HPSE2: variants seen among roughly 807,000 people sequenced by gnomAD.
HPSE2 encodes the protein inactive heparanase-2.
Under a neutral mutation model 60.5 loss-of-function variants are expected in HPSE2, and 38 were observed. The ratio of observed to expected loss-of-function variants is 0.63; its 90% CI spans 0.48 to 0.82. HPSE2 has a LOEUF of 0.82. Ranked by LOEUF, HPSE2 falls within the 40% of genes least tolerant of loss-of-function variation. HPSE2 has a pLI of 0.00. For synonymous variants in HPSE2, 295 were observed against 293.2 expected, an observed-to-expected ratio of 1.01 and a Z score of -0.06; for missense variants, 713 against 740.4, an observed-to-expected ratio of 0.96 and a Z score of 0.43.
At chr10:99,123,380 G>C (rs900324383) in intron 3 of HPSE2, among the ~76,000 whole-genome samples, 1 of 152,096 alleles carries the variant, frequency 6.6e-6, no homozygotes, top group African/African-American at 2.4e-5. Flanking sequence ...TCAGAAAACT[G>C]CAACAATTAG....
chr10:98,703,199 C>T (rs1381462192), intron 5 of HPSE2, among the ~76,000 whole-genome samples: 2 of 152,062 alleles, frequency 1.3e-5, no homozygotes, highest in Non-Finnish European at 2.9e-5. Context: ...TGGATACATT[C>T]CTGGAAACAT....
chr10:98,955,919 A>G (rs1172830756), intron 3 of HPSE2, among the ~76,000 whole-genome samples: 1 of 152,078 alleles, frequency 6.6e-6, no homozygotes, highest in Non-Finnish European at 1.5e-5. Context: ...GAACACATGG[A>G]CACAGGGAGG....
chr10:98,734,522 T>C (rs1949302233), intron 4 of HPSE2, among the ~76,000 whole-genome samples: 1 of 145,652 alleles, frequency 6.9e-6, no homozygotes, highest in African/African-American at 2.4e-5. Context: ...TTTGTTACTT[T>C]ACTTTTCCTT....
intron 9 of HPSE2, among the ~76,000 whole-genome samples, chr10:98,520,086 T>G (rs972315557): frequency 6.6e-6 from 1 of 152,188 alleles, no homozygotes; most frequent in African/African-American, 2.4e-5. Flanking sequence ...TAATTCCATC[T>G]GGCACGCATG....
intron 9 of HPSE2, among the ~76,000 whole-genome samples, chr10:98,522,557 C>T (rs1311423312): frequency 6.6e-6 from 1 of 152,196 alleles, no homozygotes; most frequent in African/African-American, 2.4e-5. Flanking sequence ...TCACGGCAAC[C>T]TCCGCTTCCC....
chr10:98,547,426 T>C (rs1217897619), intron 9 of HPSE2, among the ~76,000 whole-genome samples: 6 of 150,262 alleles, frequency 4.0e-5, no homozygotes, highest in East Asian at 4.0e-4. Flanking sequence ...CAATGATAGA[T>C]TGGACTAAGA....
intron 3 of HPSE2, among the ~76,000 whole-genome samples, chr10:98,939,973 T>C (rs898182351): frequency 1.1e-4 from 16 of 143,856 alleles, no homozygotes; most frequent in Non-Finnish European, 2.2e-4. Flanking sequence ...AACCTGCTCC[T>C]GAATGACTAC....
At chr10:98,792,179 C>T (rs1386867097) in intron 3 of HPSE2, among the ~76,000 whole-genome samples, 1 of 151,494 alleles carries the variant, frequency 6.6e-6, no homozygotes, top group Non-Finnish European at 1.5e-5. Flanking sequence ...TACTAGAATA[C>T]AAACAGTCTC....
chr10:98,475,706 G>C (rs1160934797), intron 11 of HPSE2, among the ~76,000 whole-genome samples: 1 of 128,212 alleles, frequency 7.8e-6, no homozygotes, highest in Non-Finnish European at 1.6e-5. Flanking sequence ...GTCATTGCTG[G>C]TTTTTAATAA....
chr10:98,741,634 C>T (rs1431083903), intron 4 of HPSE2, among the ~76,000 whole-genome samples: 1 of 152,048 alleles, frequency 6.6e-6, no homozygotes, highest in African/African-American at 2.4e-5. Flanking sequence ...ATAATTATTC[C>T]CATCAATCAC....
At chr10:98,849,607 T>C (rs1047348036) in intron 3 of HPSE2, among the ~76,000 whole-genome samples, 3 of 152,208 alleles carry the variant, frequency 2.0e-5, no homozygotes, top group Non-Finnish European at 2.9e-5. Context: ...ACTACGGCCA[T>C]AACCTCTCCT....
At chr10:98,817,361 C>A (rs1194553115) in intron 3 of HPSE2, among the ~76,000 whole-genome samples, 1 of 152,136 alleles carries the variant, frequency 6.6e-6, no homozygotes, top group South Asian at 2.1e-4. Context: ...ACAAAAGATA[C>A]TTCAGAATTA....
chr10:98,927,003 A>T (rs898355112), intron 3 of HPSE2, among the ~76,000 whole-genome samples: 1 of 152,034 alleles, frequency 6.6e-6, no homozygotes, highest in Non-Finnish European at 1.5e-5. Context: ...GTTCTTTTAC[A>T]TTTGCTGAGG....
the HPSE2 span, among the ~76,000 whole-genome samples, chr10:99,249,939 C>T: frequency 1.3e-5 from 2 of 151,856 alleles, no homozygotes; most frequent in African/African-American, 4.8e-5. Context: ...GTCAGGAGTT[C>T]GAGACTAGCC....
At chr10:98,612,327 C>T (rs564918419) in intron 9 of HPSE2, among the ~76,000 whole-genome samples, 5 of 152,280 alleles carry the variant, frequency 3.3e-5, no homozygotes, top group African/African-American at 1.2e-4. Context: ...TCTTACTACT[C>T]GTCTGACCTT....
chr10:98,754,161 C>T (rs1050564428), intron 3 of HPSE2, among the ~76,000 whole-genome samples: 4 of 152,026 alleles, frequency 2.6e-5, no homozygotes, highest in African/African-American at 9.7e-5. Context: ...AAGAAAGAAC[C>T]AAACTGATCT....
intron 6 of HPSE2, among the ~76,000 whole-genome samples, chr10:98,684,897 C>T (rs1465188592): frequency 1.3e-5 from 2 of 149,408 alleles, no homozygotes; most frequent in Non-Finnish European, 3.0e-5. Context: ...GATTAACACT[C>T]CTAACAAAAT....
chr10:98,708,231 C>T (rs1266000996), intron 5 of HPSE2, among the ~76,000 whole-genome samples: 9 of 152,052 alleles, frequency 5.9e-5, no homozygotes, highest in African/African-American at 9.6e-5. Flanking sequence ...CTGAGGTGGG[C>T]GGATCACGAG....
intron 2 of HPSE2, among the ~76,000 whole-genome samples, chr10:99,163,579 A>G (rs1419899724): frequency 6.6e-6 from 1 of 152,238 alleles, no homozygotes; most frequent in Non-Finnish European, 1.5e-5. Flanking sequence ...ACCAAGGGAA[A>G]TTATCAAAAC....
Sources: gnomAD v4.1 joint callset for allele counts (sites outside exome capture counted in the v4.1 genomes callset) on GRCh38, gnomAD v4.1.1 for gene constraint, MANE v1.5 for transcripts, NCBI Gene and HGNC (gene_info 2026-07-23, HGNC 2026-07-21) for gene names.